Variants in GPM6A observed in about 807,000 individuals in gnomAD.
GPM6A encodes the protein glycoprotein M6A, also known as neuronal membrane glycoprotein M6-a.
In GPM6A, 7 loss-of-function variants were observed where a neutral mutation model predicts 32.1. The observed-to-expected ratio is 0.22, with a 90% CI of 0.12 to 0.41. The LOEUF is 0.41. GPM6A is among the 10% of genes least tolerant of loss of function. The pLI is 1.00. For missense variants in GPM6A, 235 were observed against 347.2 expected (o/e 0.68, Z 2.57); for synonymous variants, 130 against 123.4 (o/e 1.05, Z -0.35).
At chr4:175,844,076 A>G (rs1326841400) in intron 1 of GPM6A, among the ~76,000 whole-genome samples, 1 of 151,884 alleles carries the variant, frequency 6.6e-6, no homozygotes, top group Non-Finnish European at 1.5e-5. Context: ...TGACCACATC[A>G]CTCTGCTCCT....
At chr4:175,683,628 A>C (rs1472790175) in intron 2 of GPM6A, among the ~76,000 whole-genome samples, 1 of 151,890 alleles carries the variant, frequency 6.6e-6, no homozygotes, top group Non-Finnish European at 1.5e-5. Flanking sequence ...GCTTGGTGCT[A>C]TCTTAAAAGT....
chr4:175,992,436 G>C (rs187216810), intron 1 of GPM6A, among the ~76,000 whole-genome samples: 4 of 152,252 alleles, frequency 2.6e-5, no homozygotes, highest in Admixed American at 6.5e-5. Context: ...TACTAACAAG[G>C]AAAGATCTGT....
chr4:175,914,952 A>G (rs1365608162), intron 1 of GPM6A, among the ~76,000 whole-genome samples: 1 of 152,224 alleles, frequency 6.6e-6, no homozygotes, highest in South Asian at 2.1e-4. Context: ...CACAGCGCAC[A>G]TGCTCAATAA....
At chr4:175,969,694 A>T (rs551768676) in intron 1 of GPM6A, among the ~76,000 whole-genome samples, 2 of 152,246 alleles carry the variant, frequency 1.3e-5, no homozygotes, top group Admixed American at 1.3e-4. Context: ...CAGGGCAACA[A>T]AGCAAAACTC....
chr4:175,945,130 G>T (rs184396925), intron 1 of GPM6A, among the ~76,000 whole-genome samples: 2 of 151,986 alleles, frequency 1.3e-5, no homozygotes, highest in Admixed American at 1.3e-4. Context: ...AGCCAAGTAC[G>T]TGAGTGTGAA....
intron 2 of GPM6A, among the ~76,000 whole-genome samples, chr4:175,677,612 G>T (rs1743446797): frequency 6.6e-6 from 1 of 152,100 alleles, no homozygotes; most frequent in Non-Finnish European, 1.5e-5. Context: ...TATATGAAAT[G>T]AATTATTGAG....
At chr4:175,956,618 T>C (rs933310235) in intron 1 of GPM6A, among the ~76,000 whole-genome samples, 1 of 152,212 alleles carries the variant, frequency 6.6e-6, no homozygotes, top group African/African-American at 2.4e-5. Flanking sequence ...AGAAGCCATC[T>C]ACCAGTTAAA....
chr4:175,964,687 C>T (rs1038135468), intron 1 of GPM6A, among the ~76,000 whole-genome samples: 1 of 152,124 alleles, frequency 6.6e-6, no homozygotes, highest in Non-Finnish European at 1.5e-5. Context: ...TCCTTAAAGA[C>T]CCTCTCTCCA....
At chr4:175,693,513 C>A (rs1399845259) in intron 2 of GPM6A, among the ~76,000 whole-genome samples, 1 of 151,972 alleles carries the variant, frequency 6.6e-6, no homozygotes, top group Non-Finnish European at 1.5e-5. Context: ...TCATTACCAT[C>A]CTTCCCTAAA....
intron 3 of GPM6A, among the ~76,000 whole-genome samples, chr4:175,670,438 A>G (rs1742991383): frequency 6.6e-6 from 1 of 152,198 alleles, no homozygotes; most frequent in Non-Finnish European, 1.5e-5. Context: ...CGGAATAAAT[A>G]TGTTTTGGCT....
At chr4:175,968,100 G>A (rs1346645885) in intron 1 of GPM6A, among the ~76,000 whole-genome samples, 1 of 151,960 alleles carries the variant, frequency 6.6e-6, no homozygotes, top group African/African-American at 2.4e-5. Flanking sequence ...GGAATCGAGA[G>A]CGTAGTAATA....
At chr4:175,798,250 C>T (rs1222232238) in intron 1 of GPM6A, among the ~76,000 whole-genome samples, 1 of 152,104 alleles carries the variant, frequency 6.6e-6, no homozygotes, top group East Asian at 1.9e-4. Context: ...CCATAATCAC[C>T]CCACCTTTCA....
In GPM6A at chr4:175,804,111, C is replaced by T. The variant is rs75452549; in HGVS notation, c.37+8080G>A. Among the ~76,000 whole-genome samples, 239 of 152,232 alleles carry T rather than the reference C, an allele frequency of 1.6e-3. 3 individuals carry two copies. The East Asian group carries it at 0.029, about 19-fold the overall frequency. On this transcript the variant is annotated intron_variant, in intron 1 of 6. Transcript: ENST00000393658. ...TGGTTGGTTTTAAATTGACAAACCACATTCAGTGTCATATCTAAGAGTTCC... is the reference window on the plus strand; with the variant it reads ...TGGTTGGTTTTAAATTGACAAACCATATTCAGTGTCATATCTAAGAGTTCC...
chr4:175,695,214 AG>A (rs1210627235), intron 2 of GPM6A, among the ~76,000 whole-genome samples: 6 of 152,170 alleles, frequency 3.9e-5, no homozygotes, highest in Admixed American at 2.6e-4. Context: ...GGGAAATGTG[AG>A]GTTGGAGCTC....
At chr4:175,686,543 GA>G (rs1404914461) in intron 2 of GPM6A, among the ~76,000 whole-genome samples, 1 of 152,194 alleles carries the variant, frequency 6.6e-6, no homozygotes, top group African/African-American at 2.4e-5. Context: ...GACGGAGGCA[GA>G]GATTAGAGTG....
intron 1 of GPM6A, among the ~76,000 whole-genome samples, chr4:175,952,713 C>G (rs374762976): frequency 1.3e-5 from 2 of 152,116 alleles, no homozygotes; most frequent in African/African-American, 4.8e-5. Flanking sequence ...TCCTGTCCAC[C>G]AATGAGTCCA....
intron 1 of GPM6A, among the ~76,000 whole-genome samples, chr4:175,943,714 A>G (rs1739491545): frequency 6.6e-6 from 1 of 152,196 alleles, no homozygotes; most frequent in Non-Finnish European, 1.5e-5. Context: ...CCAGCCTTAC[A>G]TCCCAGGGAT....
Position 175,830,409 on chromosome 4 carries a change from T to G in GPM6A, c.-22-18160A>C, listed in dbSNP as rs1053557794. On this transcript the variant is annotated intron_variant, in intron 1 of 7. Coordinates refer to the GPM6A transcript ENST00000280187. The stretch of plus-strand genomic sequence containing the variant: ...TATGTAGGCCAAAGTGTATATAAAA[T>G]AATGATGATGTAATAATAGTAGCTA... Among the ~76,000 whole-genome samples the G allele has an allele frequency of 5.9e-5, 9 of 152,316 alleles. No homozygotes were observed. In the South Asian group the frequency reaches 1.9e-3, roughly 32 times the overall value.
chr4:175,647,798 A>G lies in GPM6A; in HGVS notation c.541+4036T>C, dbSNP rs568351563. Among the ~76,000 whole-genome samples, 6 of 152,294 alleles carry G rather than the reference A, an allele frequency of 3.9e-5. No homozygotes were observed. In the South Asian group the frequency reaches 1.0e-3, roughly 26 times the overall value. ...ATGTTTGAGGAATGGTTCTCTTCTG[A>G]TGCTTCTTGATAATAATGTGGTTAT... On this transcript the variant is annotated intron_variant, in intron 4 of 6. Transcript: ENST00000393658.
Sources: gnomAD v4.1 joint callset for allele counts (sites outside exome capture counted in the v4.1 genomes callset) on GRCh38, gnomAD v4.1.1 for gene constraint, MANE v1.5 for transcripts, NCBI Gene and HGNC (gene_info 2026-07-23, HGNC 2026-07-21) for gene names.